PRDM16: variants seen among roughly 807,000 people sequenced by gnomAD.
The protein encoded by PRDM16 is histone-lysine N-methyltransferase PRDM16.
A neutral mutation model predicts 110.6 loss-of-function variants in PRDM16; 23 were observed. That is an observed-to-expected ratio of 0.21 (90% CI 0.15 to 0.29). The LOEUF is 0.29. PRDM16 is among the 10% of genes least tolerant of loss of function. PRDM16 has a pLI of 1.00. For missense variants in PRDM16, 1,615 were observed against 1,794.3 expected (o/e 0.90, Z 1.81); for synonymous variants, 799 against 781.8 (o/e 1.02, Z -0.37).
At chr1:3,356,766 G>C (rs1211389892) in intron 3 of PRDM16, among the ~76,000 whole-genome samples, 1 of 152,168 alleles carries the variant, frequency 6.6e-6, no homozygotes, top group East Asian at 1.9e-4. Context: ...AGGTGGGCAC[G>C]GGACAGATCC....
rs554846141 is a variant in PRDM16 at position 3,404,768 on chromosome 1, A to G, written c.914A>G (p.Glu305Gly). Residue 305 changes from glutamate to glycine, a missense_variant, in exon 7 of 17, where the codon GAG becomes GGG. By Grantham distance (98) the Glu-to-Gly change is moderately conservative. Transcript: ENST00000270722. ...GAGCAGCACATGGTCATCCACACGG[A>G]GGAGCGCGAGTACAAATGCGACCAG... ...SLEQHMVIHT[E>G]EREYKCDQCP... 4 of 1,613,564 alleles carry G rather than the reference A, an allele frequency of 2.5e-6. No homozygotes were observed. In the South Asian group the frequency reaches 4.4e-5, roughly 18 times the overall value.
chr1:3,181,370 ACG>A (rs370831201), intron 1 of PRDM16, among the ~76,000 whole-genome samples: 3 of 38,840 alleles, frequency 7.7e-5, no homozygotes, highest in African/African-American at 1.7e-4. Context: ...GGTCTTACAC[ACG>A]CAGTCTTACA....
At chr1:3,232,692 A>C (rs1045698686) in intron 2 of PRDM16, among the ~76,000 whole-genome samples, 1 of 152,182 alleles carries the variant, frequency 6.6e-6, no homozygotes, top group African/African-American at 2.4e-5. Context: ...CTCCATCCCC[A>C]GAAAGGTGCT....
intron 1 of PRDM16, among the ~76,000 whole-genome samples, chr1:3,144,132 C>G (rs977491830): frequency 6.6e-6 from 1 of 152,198 alleles, no homozygotes; most frequent in Non-Finnish European, 1.5e-5. Flanking sequence ...GCCACCTGGA[C>G]CCAGCACTAT....
intron 3 of PRDM16, among the ~76,000 whole-genome samples, chr1:3,355,735 AC>A (rs1370483787): frequency 6.6e-6 from 1 of 152,050 alleles, no homozygotes; most frequent in East Asian, 1.9e-4. Context: ...TGCAGCCGCC[AC>A]CCTGAGGGTC....
intron 2 of PRDM16, among the ~76,000 whole-genome samples, chr1:3,232,328 G>A (rs1639435836): frequency 6.6e-6 from 1 of 152,200 alleles, no homozygotes; most frequent in South Asian, 2.1e-4. Flanking sequence ...CTGTGACATT[G>A]GACGACTTAA....
intron 14 of PRDM16, among the ~76,000 whole-genome samples, chr1:3,428,008 A>G (rs551000780): frequency 1.3e-5 from 2 of 152,266 alleles, no homozygotes; most frequent in South Asian, 2.1e-4. Context: ...CCCAGGCACA[A>G]TCCCCTAAGC....
intron 8 of PRDM16, among the ~76,000 whole-genome samples, chr1:3,408,745 CAT>C (rs1478576938): frequency 2.3e-4 from 30 of 130,966 alleles, no homozygotes; most frequent in East Asian, 9.1e-4. Context: ...TGAGCCGGTG[CAT>C]GTGTTGGCAC....
intron 3 of PRDM16, among the ~76,000 whole-genome samples, chr1:3,320,160 A>C (rs2100449953): frequency 6.6e-6 from 1 of 152,318 alleles, no homozygotes. Context: ...GTATTGCAGC[A>C]CCGAAATAAG....
intron 3 of PRDM16, among the ~76,000 whole-genome samples, chr1:3,249,200 G>A (rs538260121): frequency 6.6e-6 from 1 of 151,988 alleles, no homozygotes; most frequent in Non-Finnish European, 1.5e-5. Flanking sequence ...AAAGGAGGCT[G>A]GAGGGCTGGG....
intron 3 of PRDM16, among the ~76,000 whole-genome samples, chr1:3,291,573 C>G (rs1002450259): frequency 1.2e-4 from 18 of 152,026 alleles, no homozygotes; most frequent in African/African-American, 4.3e-4. Context: ...TCCTCCCGCC[C>G]CTGCCCATCC....
intron 1 of PRDM16, among the ~76,000 whole-genome samples, chr1:3,140,002 A>G (rs1048507821): frequency 6.6e-6 from 1 of 152,250 alleles, no homozygotes; most frequent in Non-Finnish European, 1.5e-5. Context: ...TCCCGCAGTC[A>G]GCCCCGGCGA....
At chr1:3,366,733 C>G (rs1413049484) in intron 3 of PRDM16, among the ~76,000 whole-genome samples, 1 of 152,116 alleles carries the variant, frequency 6.6e-6, no homozygotes, top group African/African-American at 2.4e-5. Flanking sequence ...TAGGGCGTCT[C>G]GTGAAAGATC....
intron 1 of PRDM16, among the ~76,000 whole-genome samples, chr1:3,182,079 C>T (rs968124138): frequency 5.3e-5 from 8 of 152,246 alleles, no homozygotes; most frequent in South Asian, 2.1e-4. Flanking sequence ...CTCTGGGGGC[C>T]GCCCTTCCCT....
At chr1:3,409,950 GTGTGCGTGTGGGGGGTGTGGT>G in intron 8 of PRDM16, among the ~76,000 whole-genome samples, 1 of 129,576 alleles carries the variant, frequency 7.7e-6, no homozygotes, top group Non-Finnish European at 1.6e-5. Context: ...GTGTGGGTGT[GTGTGCGTGTGGGGGGTGTGGT>G]TGTGTGTTTG....
At chr1:3,385,665 G>A (rs1643182612) in intron 4 of PRDM16, among the ~76,000 whole-genome samples, 1 of 152,244 alleles carries the variant, frequency 6.6e-6, no homozygotes. Context: ...AACAGTCACT[G>A]AAAGAATCCA....
intron 3 of PRDM16, among the ~76,000 whole-genome samples, chr1:3,278,641 C>T (rs774643419): frequency 6.6e-6 from 1 of 152,188 alleles, no homozygotes; most frequent in South Asian, 2.1e-4. Flanking sequence ...CCAGGACACC[C>T]GGCAGCCACA....
intron 3 of PRDM16, among the ~76,000 whole-genome samples, chr1:3,335,965 G>A (rs997820966): frequency 4.6e-5 from 7 of 152,230 alleles, no homozygotes; most frequent in African/African-American, 1.2e-4. Context: ...TGTGAACTCC[G>A]CTCCCTGAAG....
chr1:3,292,182 G>A (rs1640987844), intron 3 of PRDM16, among the ~76,000 whole-genome samples: 1 of 152,226 alleles, frequency 6.6e-6, no homozygotes, highest in African/African-American at 2.4e-5. Context: ...GGGAGAGCAG[G>A]TTGAGCTGTT....
Sources: allele counts gnomAD v4.1 joint callset (sites outside exome capture counted in the v4.1 genomes callset), GRCh38; gene constraint gnomAD v4.1.1; transcripts MANE v1.5; gene names NCBI Gene and HGNC (gene_info 2026-07-23, HGNC 2026-07-21).